Variants in TRHDE observed in about 807,000 individuals in gnomAD.
The protein encoded by TRHDE is thyrotropin releasing hormone degrading enzyme.
In TRHDE, 72 loss-of-function variants were observed where a neutral mutation model predicts 125.7. The ratio of observed to expected loss-of-function variants is 0.57; its 90% CI spans 0.47 to 0.70. The LOEUF is 0.70. Ranked by LOEUF, TRHDE falls within the 30% of genes least tolerant of loss-of-function variation. The pLI is 0.00. For missense variants in TRHDE, 1,110 were observed against 1,327.1 expected (o/e 0.84, Z 2.54); for synonymous variants, 509 against 509.1 (o/e 1.00, Z 0.00).
At chr12:72,097,456 T>C (rs1874957294) in intron 1 of TRHDE, among the ~76,000 whole-genome samples, 1 of 149,112 alleles carries the variant, frequency 6.7e-6, no homozygotes, top group Non-Finnish European at 1.5e-5. Context: ...TTTTTTTTTT[T>C]TTTTTTTTTT....
intron 3 of TRHDE, among the ~76,000 whole-genome samples, chr12:72,425,411 TAGA>T (rs1874141847): frequency 6.6e-6 from 1 of 152,120 alleles, no homozygotes; most frequent in South Asian, 2.1e-4. Context: ...TTCTTACTTA[TAGA>T]AGAATTTGAA....
intron 2 of TRHDE, among the ~76,000 whole-genome samples, chr12:72,231,851 A>C (rs1471804502): frequency 6.6e-6 from 1 of 152,126 alleles, no homozygotes. Context: ...CTGGAGTAGA[A>C]TTTTTTTGCC....
At chr12:72,473,610 A>G (rs1477006825) in intron 5 of TRHDE, among the ~76,000 whole-genome samples, 1 of 152,124 alleles carries the variant, frequency 6.6e-6, no homozygotes, top group Non-Finnish European at 1.5e-5. Flanking sequence ...AGATATATGT[A>G]TTTTAGGATT....
intron 12 of TRHDE, among the ~76,000 whole-genome samples, chr12:72,597,868 C>T (rs577914435): frequency 6.6e-6 from 1 of 150,442 alleles, no homozygotes; most frequent in South Asian, 2.1e-4. Context: ...TCTTTAAACA[C>T]ACTAGTGTGC....
At chr12:72,597,278 C>T (rs1871982002) in intron 12 of TRHDE, among the ~76,000 whole-genome samples, 1 of 152,168 alleles carries the variant, frequency 6.6e-6, no homozygotes, top group Admixed American at 6.5e-5. Flanking sequence ...GTGTTGGATA[C>T]ATGCTTAGAA....
At chr12:72,650,133 G>A (rs1042166221) in intron 15 of TRHDE, among the ~76,000 whole-genome samples, 1 of 152,054 alleles carries the variant, frequency 6.6e-6, no homozygotes, top group Non-Finnish European at 1.5e-5. Context: ...CAATCTAAAT[G>A]TTCATCAACA....
rs182898136 is a variant in TRHDE, at chr12:72,369,110, A to C, written c.1189-8885A>C. Among the ~76,000 whole-genome samples the C allele has an allele frequency of 3.4e-3, 512 of 152,284 alleles. 3 individuals carry two copies. Among genetic ancestry groups the C allele is most frequent in the African/African-American group, 0.011 (475 of 41,544 alleles). On this transcript the variant is annotated intron_variant, in intron 2 of 18. Transcript: ENST00000261180. ...TGTTTTTCCTTTCAATGATAAAAAT[A>C]CTTAAAATCTATAAAGAGATGAAAT...
intron 1 of TRHDE, among the ~76,000 whole-genome samples, chr12:72,094,867 G>A (rs184470043): frequency 3.3e-5 from 5 of 152,298 alleles, no homozygotes; most frequent in Admixed American, 6.5e-5. Flanking sequence ...CATAGGTTCC[G>A]CCAGACTTTC....
At chr12:72,382,682 G>C (rs1247902954) in intron 3 of TRHDE, among the ~76,000 whole-genome samples, 2 of 152,206 alleles carry the variant, frequency 1.3e-5, no homozygotes, top group Non-Finnish European at 2.9e-5. Flanking sequence ...ATGTTTGTAT[G>C]TGTGAATTTC....
Position 72,286,959 on chromosome 12 carries a change from G to A in TRHDE, c.1188+5G>A. The stretch of plus-strand genomic sequence containing the variant: ...ACCACCAAGAGTGGGGTTGTAGTAA[G>A]TATTTTCAGCTTAATGATGTTTTTG... On this transcript the variant is annotated splice_donor_5th_base_variant and intron_variant, in intron 2 of 18. Coordinates refer to ENST00000261180, the MANE Select transcript of TRHDE (RefSeq NM_013381.3). The A allele has an allele frequency of 6.2e-7, 1 of 1,611,738 alleles. No homozygotes were observed. Among genetic ancestry groups the A allele is most frequent in the Non-Finnish European group, 8.5e-7 (1 of 1,178,952 alleles).
chr12:72,294,952 C>T (rs753819595), intron 2 of TRHDE, among the ~76,000 whole-genome samples: 15 of 151,984 alleles, frequency 9.9e-5, no homozygotes, highest in East Asian at 7.8e-4. Flanking sequence ...GACTTTGCTC[C>T]GAGATAGGAG....
At chr12:72,422,446 A>G (rs1873998063) in intron 3 of TRHDE, among the ~76,000 whole-genome samples, 1 of 152,226 alleles carries the variant, frequency 6.6e-6, no homozygotes, top group South Asian at 2.1e-4. Flanking sequence ...TTAACAATCT[A>G]TCTTTTCAAT....
intron 2 of TRHDE, among the ~76,000 whole-genome samples, chr12:72,372,972 A>G (rs1458031305): frequency 6.6e-6 from 1 of 152,182 alleles, no homozygotes; most frequent in Non-Finnish European, 1.5e-5. Context: ...TCTATAAATT[A>G]CCTTGGGCAG....
intron 2 of TRHDE, among the ~76,000 whole-genome samples, chr12:72,339,339 A>T (rs1869975172): frequency 6.6e-6 from 1 of 152,124 alleles, no homozygotes; most frequent in Non-Finnish European, 1.5e-5. Context: ...ATCTTCATCC[A>T]CTGTTATCTC....
intron 3 of TRHDE, among the ~76,000 whole-genome samples, chr12:72,390,316 G>A (rs544709196): frequency 3.3e-5 from 5 of 152,108 alleles, no homozygotes; most frequent in Admixed American, 6.6e-5. Flanking sequence ...CTGGCTGTTG[G>A]TCAATCTGGA....
At chr12:72,284,959 C>T (rs372381242) in intron 1 of TRHDE, among the ~76,000 whole-genome samples, 4 of 152,154 alleles carry the variant, frequency 2.6e-5, no homozygotes, top group African/African-American at 9.7e-5. Flanking sequence ...AGTTAAGTTA[C>T]TTAACCAAGC....
chr12:72,590,355 C>T (rs1216446880), intron 12 of TRHDE, among the ~76,000 whole-genome samples: 1 of 151,876 alleles, frequency 6.6e-6, no homozygotes, highest in Non-Finnish European at 1.5e-5. Context: ...GCATTTAAAT[C>T]AAGATGAATA....
At chr12:72,401,372 T>G (rs1873035775) in intron 3 of TRHDE, among the ~76,000 whole-genome samples, 1 of 152,196 alleles carries the variant, frequency 6.6e-6, no homozygotes, top group Non-Finnish European at 1.5e-5. Context: ...TATCCTCATT[T>G]TACTAATGAG....
chr12:72,651,508 A>G (rs1874504672), intron 15 of TRHDE, among the ~76,000 whole-genome samples: 1 of 152,094 alleles, frequency 6.6e-6, no homozygotes. Context: ...GTTGAAAAAA[A>G]GCAAAATTAA....
Sources: gnomAD v4.1 joint callset for allele counts (sites outside exome capture counted in the v4.1 genomes callset) on GRCh38, gnomAD v4.1.1 for gene constraint, MANE v1.5 for transcripts, NCBI Gene and HGNC (gene_info 2026-07-23, HGNC 2026-07-21) for gene names.